PABPC4L: variants seen among roughly 807,000 people sequenced by gnomAD.
PABPC4L encodes poly(A) binding protein cytoplasmic 4 like, also known as polyadenylate-binding protein 4-like.
For synonymous variants in PABPC4L, 169 were observed against 164.1 expected (o/e 1.03, Z -0.23); for missense variants, 452 against 451.4 (o/e 1.00, Z -0.01).
chr4:134,017,628 A>C, the PABPC4L span, among the ~76,000 whole-genome samples: 1 of 152,256 alleles, frequency 6.6e-6, no homozygotes, highest in Non-Finnish European at 1.5e-5. Context: ...CTCTCTAATT[A>C]GATGTCCTGG....
At chr4:134,029,991 C>A in the PABPC4L span, among the ~76,000 whole-genome samples, 3 of 151,988 alleles carry the variant, frequency 2.0e-5, no homozygotes, top group African/African-American at 4.8e-5. Context: ...TGGCTCAACT[C>A]TTTCCCTTGC....
chr4:134,018,711 G>A, the PABPC4L span, among the ~76,000 whole-genome samples: 1 of 151,900 alleles, frequency 6.6e-6, no homozygotes, highest in Non-Finnish European at 1.5e-5. Flanking sequence ...CATTTTAAAT[G>A]CCTTTTTATT....
At chr4:134,057,113 T>C in the PABPC4L span, among the ~76,000 whole-genome samples, 91 of 152,152 alleles carry the variant, frequency 6.0e-4, 2 homozygotes, top group East Asian at 0.017. Context: ...TATCAAGTGT[T>C]ATTTTGTGTG....
At chr4:134,040,207 A>C in the PABPC4L span, among the ~76,000 whole-genome samples, 1 of 84,402 alleles carries the variant, frequency 1.2e-5, no homozygotes, top group Non-Finnish European at 2.9e-5. Flanking sequence ...CAGAATTGGA[A>C]AAAAAAAAAA....
At chr4:133,998,981 G>C in the PABPC4L span, among the ~76,000 whole-genome samples, 2 of 151,686 alleles carry the variant, frequency 1.3e-5, no homozygotes, top group Non-Finnish European at 2.9e-5. Context: ...CCTCATTTTA[G>C]AGGTGTCCAC....
the PABPC4L span, among the ~76,000 whole-genome samples, chr4:134,056,430 G>A: frequency 6.6e-6 from 1 of 152,006 alleles, no homozygotes. Context: ...TTTGAAGACA[G>A]TTGACAATTT....
the PABPC4L span, among the ~76,000 whole-genome samples, chr4:134,132,370 AAAAC>A: frequency 6.6e-6 from 1 of 152,072 alleles, no homozygotes; most frequent in Non-Finnish European, 1.5e-5. Context: ...GAGCAAGAAC[AAAAC>A]AAACAATCTC....
downstream of PABPC4L, among the ~76,000 whole-genome samples, chr4:134,191,746 A>G (rs1056624476): frequency 5.9e-5 from 9 of 152,214 alleles, no homozygotes; most frequent in African/African-American, 1.9e-4. Flanking sequence ...AAGGGCATGT[A>G]TAGCTGTGAA....
the PABPC4L span, among the ~76,000 whole-genome samples, chr4:134,008,018 T>C: frequency 5.3e-5 from 8 of 151,724 alleles, no homozygotes; most frequent in African/African-American, 1.9e-4. Context: ...ATTATAATCC[T>C]GATAAACATC....
At chr4:134,014,091 G>A in the PABPC4L span, among the ~76,000 whole-genome samples, 1 of 152,048 alleles carries the variant, frequency 6.6e-6, no homozygotes, top group South Asian at 2.1e-4. Flanking sequence ...CCAGTTCATG[G>A]CTCATTTGGC....
At chr4:134,000,877 A>G in the PABPC4L span, among the ~76,000 whole-genome samples, 1 of 151,896 alleles carries the variant, frequency 6.6e-6, no homozygotes, top group Admixed American at 6.6e-5. Context: ...CCAGGCCTTC[A>G]CCCTACACCA....
At chr4:134,077,486 A>T in the PABPC4L span, among the ~76,000 whole-genome samples, 2,076 of 152,320 alleles carry the variant, frequency 0.014, 20 homozygotes, top group Non-Finnish European at 0.021. Context: ...AGAAGCTTAG[A>T]TAGAATGACT....
the PABPC4L span, among the ~76,000 whole-genome samples, chr4:134,136,517 T>C: frequency 6.6e-6 from 1 of 152,080 alleles, no homozygotes. Flanking sequence ...TCAATTTTGT[T>C]AGAGTTTTTA....
At chr4:134,188,167 T>C in the PABPC4L span, among the ~76,000 whole-genome samples, 1 of 151,918 alleles carries the variant, frequency 6.6e-6, no homozygotes, top group African/African-American at 2.4e-5. Context: ...ACTTTCCAAC[T>C]AATCCATGTC....
At chr4:134,054,716 G>C in the PABPC4L span, among the ~76,000 whole-genome samples, 3 of 151,740 alleles carry the variant, frequency 2.0e-5, no homozygotes, top group Admixed American at 2.0e-4. Flanking sequence ...TTTATGCATT[G>C]GTAGTTTATT....
chr4:134,013,708 T>C, the PABPC4L span, among the ~76,000 whole-genome samples: 1 of 152,054 alleles, frequency 6.6e-6, no homozygotes, highest in Non-Finnish European at 1.5e-5. Context: ...CTGTTCCCAA[T>C]GCAACTCCTC....
chr4:134,077,997 G>T, the PABPC4L span, among the ~76,000 whole-genome samples: 1 of 151,948 alleles, frequency 6.6e-6, no homozygotes, highest in Non-Finnish European at 1.5e-5. Context: ...AAAAAACAGA[G>T]ATTCATACTT....
chr4:134,047,329 C>A, the PABPC4L span, among the ~76,000 whole-genome samples: 1 of 152,024 alleles, frequency 6.6e-6, no homozygotes, highest in East Asian at 1.9e-4. Context: ...AATCCCCAAG[C>A]CTACTCATCT....
At chr4:134,125,088 G>A in the PABPC4L span, among the ~76,000 whole-genome samples, 4 of 151,986 alleles carry the variant, frequency 2.6e-5, no homozygotes, top group Admixed American at 6.6e-5. Flanking sequence ...ATACATTCCT[G>A]AGCAAGAAAT....
Sources: allele counts gnomAD v4.1 joint callset (sites outside exome capture counted in the v4.1 genomes callset), GRCh38; gene constraint gnomAD v4.1.1; transcripts MANE v1.5; gene names NCBI Gene and HGNC (gene_info 2026-07-23, HGNC 2026-07-21).